ZNF385D: variants seen among roughly 807,000 people sequenced by gnomAD.
ZNF385D encodes zinc finger protein 659.
In ZNF385D, 15 loss-of-function variants were observed where a neutral mutation model predicts 35.8. The observed-to-expected ratio is 0.42, with a 90% CI of 0.28 to 0.64. The LOEUF (loss-of-function observed/expected upper bound fraction) is 0.64. Among genes scored for constraint, ZNF385D ranks in the 30% least tolerant of loss-of-function variants. The pLI is 0.23. For missense variants in ZNF385D, 474 were observed against 494.6 expected (o/e 0.96, Z 0.39); for synonymous variants, 212 against 186.8 (o/e 1.13, Z -1.10).
chr3:21,694,484 T>C (rs577090682), intron 1 of ZNF385D, among the ~76,000 whole-genome samples: 2 of 152,270 alleles, frequency 1.3e-5, no homozygotes, highest in South Asian at 4.1e-4. Context: ...GAATCTGCTT[T>C]CTCTCAGCCC....
rs140274686 is a variant in ZNF385D at position 22,094,385 on chromosome 3, G to GATATATATATATAT, written c.325+74418_325+74431dup. Among the ~76,000 whole-genome samples the GATATATATATATAT allele has an allele frequency of 2.1e-3, 147 of 70,796 alleles. 2 individuals are homozygous for GATATATATATATAT. The highest frequency in any genetic ancestry group is 5.4e-3 in the African/African-American group (125 of 23,188). 46.4% of individuals were successfully genotyped at this position (70,796 alleles called of 152,430 possible). ...CCATTGTCTTCTGTCATTTATTGTT[G>GATATATATATATAT]ATATATATATATATATATATATATA... On this transcript the variant is annotated intron_variant, in intron 3 of 5. Transcript: ENST00000494108.
intron 3 of ZNF385D, among the ~76,000 whole-genome samples, chr3:21,777,340 T>C (rs900570599): frequency 1.3e-5 from 2 of 151,970 alleles, no homozygotes; most frequent in African/African-American, 4.8e-5. Flanking sequence ...AAGCCTTTCC[T>C]CTACTCCACA....
intron 3 of ZNF385D, among the ~76,000 whole-genome samples, chr3:21,979,174 T>C (rs1313489096): frequency 6.6e-6 from 1 of 152,014 alleles, no homozygotes; most frequent in Non-Finnish European, 1.5e-5. Context: ...CTGGGCTGGG[T>C]CCAAACATTT....
intron 3 of ZNF385D, among the ~76,000 whole-genome samples, chr3:21,830,691 C>CA (rs139479491): frequency 0.035 from 5,273 of 152,206 alleles, 296 homozygotes; most frequent in African/African-American, 0.12. Context: ...ATGTGCCTGT[C>CA]AAATGTTAAA....
At chr3:21,924,695 C>A (rs1206658391) in intron 3 of ZNF385D, among the ~76,000 whole-genome samples, 1 of 152,094 alleles carries the variant, frequency 6.6e-6, no homozygotes, top group Non-Finnish European at 1.5e-5. Flanking sequence ...AAGGCCCTAC[C>A]TCCATAGTGT....
rs976739433 is a variant in ZNF385D at position 22,178,905 on chromosome 3, C to A, written c.107-9870G>T. On this transcript the variant is annotated intron_variant, in intron 2 of 5. Coordinates refer to the ZNF385D transcript ENST00000494108. ...AGATCAGATAGTTGTAGATATGTGG[C>A]ATTATTTCTGAGGGCTCTGTTCTGT... Among the ~76,000 whole-genome samples the A allele has an allele frequency of 4.6e-5, 7 of 152,062 alleles. 1 individual carries two copies. Among genetic ancestry groups the A allele is most frequent in the African/African-American group, 1.7e-4 (7 of 41,426 alleles).
chr3:21,900,023 C>G (rs561237586), intron 3 of ZNF385D, among the ~76,000 whole-genome samples: 1 of 152,010 alleles, frequency 6.6e-6, no homozygotes, highest in Non-Finnish European at 1.5e-5. Context: ...GCTTTTCAAC[C>G]CTATGTTCAA....
chr3:22,367,960 C>T (rs772741278), intron 2 of ZNF385D, among the ~76,000 whole-genome samples: 24 of 152,210 alleles, frequency 1.6e-4, no homozygotes, highest in East Asian at 1.2e-3. Flanking sequence ...CGAATCAAGG[C>T]GCATCAAGAT....
intron 3 of ZNF385D, among the ~76,000 whole-genome samples, chr3:22,011,250 T>C (rs1460833466): frequency 6.6e-6 from 1 of 152,136 alleles, no homozygotes; most frequent in Non-Finnish European, 1.5e-5. Flanking sequence ...AAATACAAAC[T>C]ATGGATAGAT....
intron 2 of ZNF385D, among the ~76,000 whole-genome samples, chr3:22,355,392 CT>C (rs1205939274): frequency 6.6e-6 from 1 of 151,978 alleles, no homozygotes; most frequent in African/African-American, 2.4e-5. Flanking sequence ...CATATTCTTT[CT>C]AACATAGTTA....
intron 4 of ZNF385D, among the ~76,000 whole-genome samples, chr3:21,482,775 C>T (rs1704728934): frequency 6.6e-6 from 1 of 152,104 alleles, no homozygotes; most frequent in African/African-American, 2.4e-5. Flanking sequence ...TGGTACTCTT[C>T]TGCTTATTGG....
chr3:21,931,517 G>A (rs948787218), intron 3 of ZNF385D, among the ~76,000 whole-genome samples: 1 of 152,142 alleles, frequency 6.6e-6, no homozygotes, highest in Non-Finnish European at 1.5e-5. Flanking sequence ...AAGCAATCCA[G>A]AATTTCCATC....
chr3:21,448,626 C>T (rs1419651967), intron 4 of ZNF385D, among the ~76,000 whole-genome samples: 1 of 152,096 alleles, frequency 6.6e-6, no homozygotes, highest in Non-Finnish European at 1.5e-5. Context: ...AAAGACTGGC[C>T]ACTGAAAAAT....
chr3:22,272,709 A>G (rs765656688), intron 2 of ZNF385D, among the ~76,000 whole-genome samples: 2 of 152,052 alleles, frequency 1.3e-5, no homozygotes, highest in Admixed American at 6.6e-5. Flanking sequence ...AGGATTTGGT[A>G]TATTTGTTTT....
chr3:21,692,012 A>C (rs1357834951), intron 1 of ZNF385D, among the ~76,000 whole-genome samples: 1 of 152,160 alleles, frequency 6.6e-6, no homozygotes, highest in Non-Finnish European at 1.5e-5. Flanking sequence ...TACTCCACTT[A>C]GCATAATGTT....
At chr3:21,819,426 A>G (rs73042722) in intron 3 of ZNF385D, among the ~76,000 whole-genome samples, 13,128 of 150,890 alleles carry the variant, frequency 0.087, 696 homozygotes, top group Middle Eastern at 0.12. Context: ...GAGAAAGTAC[A>G]TACCACCCAA....
intron 2 of ZNF385D, among the ~76,000 whole-genome samples, chr3:22,327,810 T>C (rs546648330): frequency 1.2e-4 from 18 of 152,306 alleles, no homozygotes; most frequent in African/African-American, 4.1e-4. Context: ...GTCCCTGTGC[T>C]TTGTGAATGT....
At chr3:22,071,217 C>A (rs1219724598) in intron 3 of ZNF385D, among the ~76,000 whole-genome samples, 3 of 152,112 alleles carry the variant, frequency 2.0e-5, no homozygotes, top group Admixed American at 2.0e-4. Flanking sequence ...TAATATTTGA[C>A]ATACAAATAA....
At chr3:22,034,183 T>C (rs904164191) in intron 3 of ZNF385D, among the ~76,000 whole-genome samples, 1 of 152,180 alleles carries the variant, frequency 6.6e-6, no homozygotes, top group Admixed American at 6.5e-5. Flanking sequence ...ATGAGGACTT[T>C]GGGAGATTAG....
Sources: gnomAD v4.1 joint callset for allele counts (sites outside exome capture counted in the v4.1 genomes callset) on GRCh38, gnomAD v4.1.1 for gene constraint, MANE v1.5 for transcripts, NCBI Gene and HGNC (gene_info 2026-07-23, HGNC 2026-07-21) for gene names.